TBX19: variants seen among roughly 807,000 people sequenced by gnomAD.
The protein encoded by TBX19 is T-box transcription factor TBX19.
In TBX19, 33 loss-of-function variants were observed where a neutral mutation model predicts 40.9. That is an observed-to-expected ratio of 0.81 (90% confidence interval 0.61 to 1.08). The LOEUF is 1.08. Among genes scored for constraint, TBX19 ranks in the 50% least tolerant of loss-of-function variants. The probability of loss-of-function intolerance (pLI) is 0.00; values close to 1 mark genes in which losing one functional copy is unlikely to be tolerated. For synonymous variants in TBX19, 220 were observed against 225.0 expected, an observed-to-expected ratio of 0.98 and a Z score of 0.20; for missense variants, 494 against 574.0, an observed-to-expected ratio of 0.86 and a Z score of 1.42.
chr1:168,312,673 G>C (rs1485018390), intron 7 of TBX19, 35 bp from the exon 8 acceptor site: 5 of 1,603,936 alleles, frequency 3.1e-6, no homozygotes, highest in Middle Eastern at 1.9e-4. Flanking sequence ...GAGTGCCAGT[G>C]AACATTCCCT....
At chr1:168,284,533 A>G (rs1160066782) in intron 1 of TBX19, among the ~76,000 whole-genome samples, 1 of 152,070 alleles carries the variant, frequency 6.6e-6, no homozygotes, top group African/African-American at 2.4e-5. Context: ...ACAACTAGCC[A>G]GGAGGCCCAG....
chr1:168,286,937 G>A (rs2102351407), intron 1 of TBX19, among the ~76,000 whole-genome samples: 1 of 152,286 alleles, frequency 6.6e-6, no homozygotes, highest in East Asian at 1.9e-4. Context: ...GCCATGAAGT[G>A]GCATCTCACT....
chr1:168,303,923 C>G (rs1649341905), intron 5 of TBX19, among the ~76,000 whole-genome samples: 1 of 152,100 alleles, frequency 6.6e-6, no homozygotes, highest in Admixed American at 6.5e-5. Flanking sequence ...TCATTGCCAT[C>G]TTGGTTTTGG....
At chr1:168,297,703 T>G in intron 3 of TBX19, 21 bp from the exon 4 acceptor site, 2 of 1,612,436 alleles carry the variant, frequency 1.2e-6, no homozygotes, top group Non-Finnish European at 8.5e-7. Context: ...TACTAACACT[T>G]CTTGTCTTTG....
chr1:168,291,036 G>A (rs149434690), intron 1 of TBX19, 124 bp from the exon 2 acceptor site: 2 of 1,251,712 alleles, frequency 1.6e-6, no homozygotes, highest in African/African-American at 2.9e-5. Context: ...GTGGACTTGG[G>A]CCCTGTTTAT....
At chr1:168,288,200 C>T (rs539293154) in intron 1 of TBX19, among the ~76,000 whole-genome samples, 8 of 152,038 alleles carry the variant, frequency 5.3e-5, no homozygotes, top group Admixed American at 2.0e-4. Flanking sequence ...CACATCCTCC[C>T]ATATACTTAA....
intron 1 of TBX19, among the ~76,000 whole-genome samples, chr1:168,283,020 A>T (rs1648701844): frequency 6.6e-6 from 1 of 152,160 alleles, no homozygotes; most frequent in African/African-American, 2.4e-5. Context: ...TTTATTGCCT[A>T]TGTAATTTTC....
At position 168,313,064 on chromosome 1, in the gene TBX19, C is replaced by T; in HGVS notation, c.*62C>T. 1 of 1,592,202 alleles carries T rather than the reference C, an allele frequency of 6.3e-7. No homozygotes were observed. The highest frequency in any genetic ancestry group is 8.6e-7 in the Non-Finnish European group (1 of 1,161,592). On this transcript the variant is annotated 3_prime_UTR_variant, in exon 8 of 8. Coordinates refer to ENST00000367821, the MANE Select transcript of TBX19 (RefSeq NM_005149.3). Reference sequence around the variant, plus strand: ...CCATGTGTAGAGTGCTTAGAAACCCCATCAACTGATCTAGTGAGTCAGACT... The same window carrying T: ...CCATGTGTAGAGTGCTTAGAAACCCTATCAACTGATCTAGTGAGTCAGACT...
intron 2 of TBX19, among the ~76,000 whole-genome samples, chr1:168,292,735 G>A (rs958661393): frequency 6.6e-6 from 1 of 151,908 alleles, no homozygotes; most frequent in African/African-American, 2.4e-5. Context: ...GTGGTGGCGG[G>A]CGCCTGTAGT....
chr1:168,287,011 C>G (rs1648821483), intron 1 of TBX19, among the ~76,000 whole-genome samples: 1 of 152,200 alleles, frequency 6.6e-6, no homozygotes, highest in African/African-American at 2.4e-5. Flanking sequence ...TTGATCATGG[C>G]TTCTTTGAAA....
intron 7 of TBX19, among the ~76,000 whole-genome samples, chr1:168,312,277 G>A (rs781318416): frequency 6.6e-6 from 1 of 152,202 alleles, no homozygotes; most frequent in Non-Finnish European, 1.5e-5. Flanking sequence ...TAATTAAGTG[G>A]TAGAGCTGGG....
rs1158651167 is a variant in TBX19 at position 168,312,990 on chromosome 1, A to G, written c.1335A>G (p.Ser445=). 6.2e-7 allele frequency: 1 copy of G among 1,613,744 alleles called. No individual in the cohort carries two copies. The highest frequency in any genetic ancestry group is 1.3e-5 in the African/African-American group (1 of 74,844). The part of the protein sequence containing the change: ...PGAGGHHSPS[S]LDG ...CGGGTGGGCACCATTCTCCTTCCTCACTGGATGGTTAAGCAGGATCCTAGG... is the reference window on the plus strand; with the variant it reads ...CGGGTGGGCACCATTCTCCTTCCTCGCTGGATGGTTAAGCAGGATCCTAGG... The change falls in exon 8 of 8, where the codon TCA becomes TCG. Residue 445 remains serine (S), a synonymous_variant. Transcript: ENST00000367821.
Position 168,305,203 on chromosome 1 carries a change from G to A in TBX19, c.916+7G>A. 1 of 1,609,038 alleles carries A rather than the reference G, an allele frequency of 6.2e-7. No individual in the cohort carries two copies. The highest frequency in any genetic ancestry group is 8.5e-7 in the Non-Finnish European group (1 of 1,179,980). ...AGAAACCATTCTCCCTCAGGTCTGT[G>A]ACTCTGCTGATTAAACCCTTGGGGT... is the stretch of plus-strand genomic sequence containing the variant. On this transcript the variant is annotated splice_region_variant and intron_variant, in intron 6 of 7. Coordinates refer to ENST00000367821, the MANE Select transcript of TBX19 (RefSeq NM_005149.3).
intron 7 of TBX19, among the ~76,000 whole-genome samples, chr1:168,311,250 T>TA (rs1649514127): frequency 6.6e-6 from 1 of 152,076 alleles, no homozygotes; most frequent in South Asian, 2.1e-4. Context: ...AAGTCATCTG[T>TA]AGTACTCAAA....
At chr1:168,296,340 AC>A (rs1197065666) in intron 3 of TBX19, among the ~76,000 whole-genome samples, 1 of 152,178 alleles carries the variant, frequency 6.6e-6, no homozygotes, top group Non-Finnish European at 1.5e-5. Flanking sequence ...ATAAAGACAT[AC>A]CTGAGACTGG....
chr1:168,303,148 C>T (rs1216917799), intron 5 of TBX19, among the ~76,000 whole-genome samples: 1 of 152,090 alleles, frequency 6.6e-6, no homozygotes, highest in African/African-American at 2.4e-5. Flanking sequence ...CCCATTAACT[C>T]GTCATTTACA....
rs758056338 is a variant in TBX19 at position 168,300,446 on chromosome 1, G to C, written c.690G>C (p.Glu230Asp). Residue 230 changes from glutamate to aspartate, a missense_variant, in exon 5 of 8, where the codon GAG becomes GAC. Coordinates refer to ENST00000367821, the MANE Select transcript of TBX19 (RefSeq NM_005149.3). Reference protein sequence around the residue: ...KERNHLRDVPEAISESQHVTY... With the variant: ...KERNHLRDVPDAISESQHVTY... Reference sequence around the variant, plus strand: ...GAAATCACCTAAGAGACGTACCGGAGGCTATCTCTGAGAGCCAGCATGTGA... The same window carrying C: ...GAAATCACCTAAGAGACGTACCGGACGCTATCTCTGAGAGCCAGCATGTGA... 35 of 1,614,104 alleles carry C rather than the reference G, an allele frequency of 2.2e-5. No individual in the cohort carries two copies. In the South Asian group the frequency reaches 3.8e-4, roughly 18 times the overall value.
At chr1:168,286,882 C>T (rs1648819205) in intron 1 of TBX19, among the ~76,000 whole-genome samples, 1 of 152,190 alleles carries the variant, frequency 6.6e-6, no homozygotes, top group South Asian at 2.1e-4. Flanking sequence ...ACATCTTCAC[C>T]AATGCTTTTT....
intron 5 of TBX19, among the ~76,000 whole-genome samples, chr1:168,301,061 A>C (rs563347378): frequency 6.6e-6 from 1 of 152,314 alleles, no homozygotes; most frequent in African/African-American, 2.4e-5. Flanking sequence ...CTGCAATGCA[A>C]CCCACGATCA....
Sources: gnomAD v4.1 joint callset for allele counts (sites outside exome capture counted in the v4.1 genomes callset) on GRCh38, gnomAD v4.1.1 for gene constraint, MANE v1.5 for transcripts, NCBI Gene and HGNC (gene_info 2026-07-23, HGNC 2026-07-21) for gene names.